TENT4B: variants seen among roughly 807,000 people sequenced by gnomAD.
TENT4B encodes terminal nucleotidyltransferase 4B, also known as PAP associated domain containing 5.
Under a neutral mutation model 75.0 loss-of-function variants are expected in TENT4B, and 10 were observed. That is an observed-to-expected ratio of 0.13 (90% CI 0.08 to 0.23). The LOEUF (loss-of-function observed/expected upper bound fraction) is 0.23, where lower values mean the gene tolerates loss of function less well. Among genes scored for constraint, TENT4B ranks in the 10% least tolerant of loss-of-function variants. The pLI is 1.00. For synonymous variants in TENT4B, 350 were observed against 357.7 expected, an observed-to-expected ratio of 0.98 and a Z score of 0.24; for missense variants, 579 against 893.8, an observed-to-expected ratio of 0.65 and a Z score of 4.49.
rs2032188981 is a variant in TENT4B at position 50,229,209 on chromosome 16, A to G, written c.2023A>G (p.Thr675Ala). 1 of 1,613,956 alleles carries G rather than the reference A, an allele frequency of 6.2e-7. No homozygotes were observed. Among genetic ancestry groups the G allele is most frequent in the Non-Finnish European group, 8.5e-7 (1 of 1,179,870 alleles). ...SSKGFQGTTQTSHGSLMTNKQ... is the reference protein window; with the variant it reads ...SSKGFQGTTQASHGSLMTNKQ... The stretch of plus-strand genomic sequence containing the variant: ...CAAAGGCTTCCAAGGTACAACTCAA[A>G]CAAGCCATGGTTCCTTGATGACAAA... The change falls in exon 12 of 12, where the codon ACA becomes GCA. Residue 675 changes from threonine to alanine, a missense_variant. By Grantham distance (58) the Thr-to-Ala change is moderately conservative. Transcript: ENST00000561678.
rs1555513336 is a variant in TENT4B at position 50,232,606 on chromosome 16, A to G, written c.*3278A>G. Reference sequence around the variant, plus strand: ...AGTGTTTGGGGTTTCTGGAAACACTAGAGGGTCAGAAAAGAGTAATGACCA... The same window carrying G: ...AGTGTTTGGGGTTTCTGGAAACACTGGAGGGTCAGAAAAGAGTAATGACCA... On this transcript the variant is annotated 3_prime_UTR_variant, in exon 12 of 12. Coordinates refer to ENST00000561678, the MANE Select transcript of TENT4B (RefSeq NM_001365324.3). 9.1e-6 allele frequency: 9 copies of G among 985,214 alleles called. No homozygotes were observed. Among genetic ancestry groups the G allele is most frequent in the Middle Eastern group, 5.2e-4 (1 of 1,936 alleles). 61.0% of individuals were successfully genotyped at this position (985,214 alleles called of 1,614,324 possible). A position where few individuals can be genotyped will look rare whatever the true frequency, so the allele number is the denominator to read the frequency against.
At chr16:50,155,447 A>G (rs1033770436) in intron 1 of TENT4B, among the ~76,000 whole-genome samples, 1 of 152,142 alleles carries the variant, frequency 6.6e-6, no homozygotes, top group Non-Finnish European at 1.5e-5. Context: ...TTATTCATTC[A>G]GATCTGCCCT....
chr16:50,202,317 TC>T (rs1224559353), intron 1 of TENT4B, among the ~76,000 whole-genome samples: 26 of 152,206 alleles, frequency 1.7e-4, no homozygotes. Context: ...CAGTATCTAT[TC>T]TTAAACACCA....
In TENT4B at chr16:50,214,605, G is replaced by A. The variant is rs192977934; in HGVS notation, c.809+338G>A. ...CGGGAGGTGAAGGTTGCAGTGAGCC[G>A]AGATCGCGCCACTGCACTCCAGCCT... On this transcript the variant is annotated intron_variant, in intron 3 of 11. Coordinates refer to ENST00000561678, the MANE Select transcript of TENT4B (RefSeq NM_001365324.3). Among the ~76,000 whole-genome samples, 13 of 152,222 alleles carry A rather than the reference G, an allele frequency of 8.5e-5. No homozygotes were observed. The East Asian group carries it at 1.7e-3, about 20-fold the overall frequency.
intron 1 of TENT4B, among the ~76,000 whole-genome samples, chr16:50,181,048 A>G (rs1001507469): frequency 6.6e-6 from 1 of 152,274 alleles, no homozygotes; most frequent in Non-Finnish European, 1.5e-5. Flanking sequence ...ATTGTAATGA[A>G]GTGAAGTTTG....
intron 10 of TENT4B, 53 bp from the exon 11 acceptor site, chr16:50,227,786 T>G: frequency 1.9e-6 from 3 of 1,582,682 alleles, no homozygotes; most frequent in Non-Finnish European, 2.6e-6. Flanking sequence ...TTCTGAATAT[T>G]GAGTATCTAA....
At chr16:50,198,387 C>T (rs1223711808) in intron 1 of TENT4B, among the ~76,000 whole-genome samples, 1 of 147,706 alleles carries the variant, frequency 6.8e-6, no homozygotes, top group Non-Finnish European at 1.5e-5. Flanking sequence ...CCACTGCACT[C>T]CAGCCTGGGT....
intron 1 of TENT4B, among the ~76,000 whole-genome samples, chr16:50,197,213 A>G (rs1437444221): frequency 6.6e-6 from 1 of 152,200 alleles, no homozygotes; most frequent in Non-Finnish European, 1.5e-5. Flanking sequence ...AAAGAGTGGT[A>G]CTTTCAAACC....
chr16:50,153,691 T>C lies in TENT4B; in HGVS notation c.70T>C (p.Trp24Arg). Residue 24 changes from tryptophan (W) to arginine (R), a missense_variant, in exon 1 of 12, where the codon TGG becomes CGG. Physicochemically the swap from Trp to Arg is moderately radical, Grantham distance 101. Coordinates refer to ENST00000561678, the MANE Select transcript of TENT4B (RefSeq NM_001365324.3). ...GPSNSLWMQI[W>R]ETTQGLRNLY... ...GTCCAACAGTCTGTGGATGCAGATCTGGGAGACGACCCAGGGGCTGAGGAA... is the reference window on the plus strand; with the variant it reads ...GTCCAACAGTCTGTGGATGCAGATCCGGGAGACGACCCAGGGGCTGAGGAA... 9.7e-7 allele frequency: 1 copy of C among 1,025,802 alleles called. No homozygotes were observed. Among genetic ancestry groups the C allele is most frequent in the Non-Finnish European group, 1.2e-6 (1 of 857,620 alleles). 63.5% of individuals were successfully genotyped at this position (1,025,802 alleles called of 1,614,324 possible).
At chr16:50,225,841 C>T (rs796188889) in intron 10 of TENT4B, among the ~76,000 whole-genome samples, 5 of 152,066 alleles carry the variant, frequency 3.3e-5, no homozygotes, top group African/African-American at 1.2e-4. Context: ...TACCACCATA[C>T]CCAGCTAATT....
chr16:50,229,183 G>A lies in TENT4B; in HGVS notation c.1997G>A (p.Ser666Asn), dbSNP rs776894113. The change falls in exon 12 of 12, where the codon AGC (serine) becomes AAC (asparagine). Residue 666 changes from serine to asparagine, a missense_variant. Around this residue, in one of 7 missense-constraint regions of TENT4B, gnomAD observed 164 missense variants for 226.5 expected, o/e 0.72. Transcript: ENST00000561678. ...HGSARLFRSS[S>N]KGFQGTTQTS... is the part of the protein sequence containing the mutation. ...TCAGCAAGGCTCTTTCGTTCTTCCA[G>A]CAAAGGCTTCCAAGGTACAACTCAA... The A allele has an allele frequency of 5.0e-6, 8 of 1,613,700 alleles. No individual in the cohort carries two copies. The Admixed American group carries it at 1.2e-4, about 24-fold the overall frequency.
chr16:50,176,422 A>C (rs2038310533), intron 1 of TENT4B, among the ~76,000 whole-genome samples: 1 of 151,862 alleles, frequency 6.6e-6, no homozygotes, highest in Non-Finnish European at 1.5e-5. Context: ...TTGAAAAAAA[A>C]ATCCACATAT....
rs1463537732 is a variant in TENT4B, at chr16:50,233,516, C to G, written c.*4188C>G. 2.0e-6 allele frequency: 2 copies of G among 983,736 alleles called. No individual in the cohort carries two copies. Among genetic ancestry groups the G allele is most frequent in the African/African-American group, 1.8e-5 (1 of 56,736 alleles). 60.9% of individuals were successfully genotyped at this position (983,736 alleles called of 1,614,324 possible). ...TAGCGACTTTTCTTTTTTTTTTGGT[C>G]AAAGATAATGAGCTAAATATATATA... On this transcript the variant is annotated 3_prime_UTR_variant, in exon 12 of 12. Coordinates refer to ENST00000561678, the MANE Select transcript of TENT4B (RefSeq NM_001365324.3).
upstream of TENT4B, chr16:50,152,986 C>T: frequency 2.0e-6 from 3 of 1,515,510 alleles, no homozygotes; most frequent in South Asian, 1.2e-5. Context: ...ACCGGGGAAG[C>T]CGAGGCGGAG....
At chr16:50,193,595 C>G (rs1296172855) in intron 1 of TENT4B, among the ~76,000 whole-genome samples, 1 of 152,084 alleles carries the variant, frequency 6.6e-6, no homozygotes, top group Non-Finnish European at 1.5e-5. Flanking sequence ...GCCTCGGCCT[C>G]CCAAAGTGTT....
chr16:50,222,524 C>T, intron 6 of TENT4B, 90 bp downstream of exon 6: 2 of 1,375,916 alleles, frequency 1.5e-6, no homozygotes, highest in Admixed American at 2.3e-5. Flanking sequence ...TCGAAATCAA[C>T]CTGTAATTGC....
intron 1 of TENT4B, among the ~76,000 whole-genome samples, chr16:50,190,322 T>C (rs1345150138): frequency 6.6e-6 from 1 of 151,962 alleles, no homozygotes; most frequent in Non-Finnish European, 1.5e-5. Flanking sequence ...GTAAAATACA[T>C]AAAACAACAT....
intron 1 of TENT4B, among the ~76,000 whole-genome samples, chr16:50,199,781 T>G (rs2030517194): frequency 6.6e-6 from 1 of 152,244 alleles, no homozygotes; most frequent in Non-Finnish European, 1.5e-5. Flanking sequence ...GAAGGTCATT[T>G]TGATTGCTTC....
At chr16:50,226,575 C>A (rs995281155) in intron 10 of TENT4B, among the ~76,000 whole-genome samples, 1 of 151,788 alleles carries the variant, frequency 6.6e-6, no homozygotes, top group Non-Finnish European at 1.5e-5. Context: ...ACTACAGGTG[C>A]CCGCCACCAC....
Sources: gnomAD v4.1 joint callset for allele counts (sites outside exome capture counted in the v4.1 genomes callset) on GRCh38, gnomAD v4.1.1 for gene constraint, gnomAD v4.1.1 regional missense constraint, MANE v1.5 for transcripts, NCBI Gene and HGNC (gene_info 2026-07-23, HGNC 2026-07-21) for gene names.